WDPCP: variants seen among roughly 807,000 people sequenced by gnomAD.
WDPCP encodes WD repeat containing planar cell polarity effector.
WDPCP carries 71 observed loss-of-function variants against 93.1 expected under a neutral mutation model. The observed-to-expected ratio is 0.76, with a 90% confidence interval of 0.63 to 0.93. The LOEUF is 0.93. Ranked by LOEUF, WDPCP falls within the 40% of genes least tolerant of loss-of-function variation. WDPCP has a pLI of 0.00. For synonymous variants in WDPCP, 315 were observed against 315.0 expected (o/e 1.00, Z 0.00); for missense variants, 844 against 887.4 (o/e 0.95, Z 0.62).
At position 63,120,093 on chromosome 2, in the gene WDPCP, G is replaced by A. The variant is rs942836143; in HGVS notation, c.*1913C>T. On this transcript the variant is annotated 3_prime_UTR_variant, in exon 18 of 18. Coordinates refer to ENST00000272321, the MANE Select transcript of WDPCP (RefSeq NM_015910.7). Reference sequence around the variant, plus strand: ...TATCAATATCCATATTTTATCTTTAGTATCTCACAGGAAAGGTATTTTGGG... The same window carrying A: ...TATCAATATCCATATTTTATCTTTAATATCTCACAGGAAAGGTATTTTGGG... 7.9e-5 allele frequency among the ~76,000 whole-genome samples: 12 copies of A among 152,040 alleles called. No individual in the cohort carries two copies. Among genetic ancestry groups the A allele is most frequent in the Non-Finnish European group, 1.6e-4 (11 of 68,014 alleles).
chr2:63,658,608 T>C (rs1050414634), intron 2 of WDPCP, among the ~76,000 whole-genome samples: 4 of 152,192 alleles, frequency 2.6e-5, no homozygotes, highest in African/African-American at 7.2e-5. Context: ...CAAAACATTA[T>C]GAAAAATTTA....
chr2:63,707,664 T>C (rs1669186558), intron 2 of WDPCP, among the ~76,000 whole-genome samples: 1 of 152,246 alleles, frequency 6.6e-6, no homozygotes, highest in South Asian at 2.1e-4. Flanking sequence ...GTTCCGTTGC[T>C]GGTGAGGAGC....
intron 12 of WDPCP, among the ~76,000 whole-genome samples, chr2:63,373,155 C>A (rs967392980): frequency 6.6e-6 from 1 of 151,862 alleles, no homozygotes; most frequent in African/African-American, 2.4e-5. Flanking sequence ...AACAAAAAAA[C>A]CCATTACTAC....
chr2:63,735,773 T>C (rs12991311), intron 2 of WDPCP, among the ~76,000 whole-genome samples: 54,224 of 152,080 alleles, frequency 0.36, 10,563 homozygotes, highest in Non-Finnish European at 0.43. Context: ...AAATGTTTCA[T>C]ATTCTTGTTG....
At chr2:63,241,308 A>G (rs376715646) in intron 14 of WDPCP, among the ~76,000 whole-genome samples, 48 of 152,322 alleles carry the variant, frequency 3.2e-4, no homozygotes, top group African/African-American at 1.0e-3. Context: ...AACTGACATC[A>G]TTACATAATA....
chr2:63,138,940 G>A (rs1449585990), intron 17 of WDPCP, among the ~76,000 whole-genome samples: 1 of 151,836 alleles, frequency 6.6e-6, no homozygotes, highest in Non-Finnish European at 1.5e-5. Flanking sequence ...ATATCAGTGA[G>A]AACATACGAT....
chr2:63,522,529 G>A (rs532131583), intron 1 of WDPCP, among the ~76,000 whole-genome samples: 11 of 150,100 alleles, frequency 7.3e-5, no homozygotes, highest in Non-Finnish European at 1.3e-4. Context: ...CCAGGAGCTG[G>A]TTCCTTGAAA....
intron 2 of WDPCP, among the ~76,000 whole-genome samples, chr2:63,786,229 C>T (rs1350898493): frequency 6.6e-6 from 1 of 152,120 alleles, no homozygotes; most frequent in Non-Finnish European, 1.5e-5. Context: ...CCAGGCTGGT[C>T]TCAAACTCCT....
intron 14 of WDPCP, among the ~76,000 whole-genome samples, chr2:63,181,433 C>T (rs905260552): frequency 1.3e-5 from 2 of 152,078 alleles, no homozygotes; most frequent in African/African-American, 4.8e-5. Context: ...TTCCTAGCAC[C>T]ACTTATTGTA....
chr2:63,202,356 G>A (rs1482455660), intron 14 of WDPCP, among the ~76,000 whole-genome samples: 1 of 151,860 alleles, frequency 6.6e-6, no homozygotes, highest in Non-Finnish European at 1.5e-5. Flanking sequence ...ACTTATGATT[G>A]AAGTTTCATT....
At chr2:63,531,203 GT>G (rs1703812192) in intron 1 of WDPCP, among the ~76,000 whole-genome samples, 1 of 152,240 alleles carries the variant, frequency 6.6e-6, no homozygotes, top group Admixed American at 6.5e-5. Flanking sequence ...CTTGAACTGG[GT>G]GGAACACACC....
chr2:63,706,912 G>A (rs540575243), intron 2 of WDPCP, among the ~76,000 whole-genome samples: 25 of 152,162 alleles, frequency 1.6e-4, no homozygotes, highest in African/African-American at 4.1e-4. Flanking sequence ...CACCGTGCCC[G>A]GCCTTGAAAA....
At chr2:63,657,452 C>G (rs578089347) in intron 2 of WDPCP, among the ~76,000 whole-genome samples, 1,711 of 152,118 alleles carry the variant, frequency 0.011, 19 homozygotes, top group Middle Eastern at 0.024. Flanking sequence ...GTGATCTGCC[C>G]GCCTCGGCCT....
chr2:63,398,705 T>A (rs1009451548), intron 10 of WDPCP, among the ~76,000 whole-genome samples: 2 of 152,154 alleles, frequency 1.3e-5, no homozygotes, highest in African/African-American at 4.8e-5. Context: ...TCTTTACAAT[T>A]TTAAATTGTA....
At chr2:63,820,617 T>G (rs568001786) in intron 1 of WDPCP, among the ~76,000 whole-genome samples, 2 of 152,300 alleles carry the variant, frequency 1.3e-5, no homozygotes, top group South Asian at 4.1e-4. Context: ...TGACTTTGCC[T>G]CCCTTAGAAG....
At chr2:63,581,193 T>C (rs1300018323) in intron 1 of WDPCP, among the ~76,000 whole-genome samples, 2 of 152,150 alleles carry the variant, frequency 1.3e-5, no homozygotes, top group African/African-American at 2.4e-5. Flanking sequence ...TATTTCCATA[T>C]GTCTTTGTGT....
intron 14 of WDPCP, among the ~76,000 whole-genome samples, chr2:63,253,611 C>T (rs1201547782): frequency 6.6e-6 from 1 of 152,092 alleles, no homozygotes; most frequent in East Asian, 1.9e-4. Flanking sequence ...CAAAAGCAGA[C>T]ATACAAGCAG....
At chr2:63,337,485 T>G (rs919461722) in intron 12 of WDPCP, among the ~76,000 whole-genome samples, 2 of 152,224 alleles carry the variant, frequency 1.3e-5, no homozygotes, top group Non-Finnish European at 2.9e-5. Flanking sequence ...TGATTTCATT[T>G]CTTTTGGATA....
chr2:63,333,485 A>G (rs894074009), intron 12 of WDPCP, among the ~76,000 whole-genome samples: 9 of 152,116 alleles, frequency 5.9e-5, no homozygotes, highest in African/African-American at 1.9e-4. Flanking sequence ...ACATTTTACA[A>G]CCTGTTCTCT....
Sources: allele counts gnomAD v4.1 joint callset (sites outside exome capture counted in the v4.1 genomes callset), GRCh38; gene constraint gnomAD v4.1.1; transcripts MANE v1.5; gene names NCBI Gene and HGNC (gene_info 2026-07-23, HGNC 2026-07-21).